Variants in TRIM33 observed in about 807,000 individuals in gnomAD.
TRIM33 encodes E3 ubiquitin-protein ligase TRIM33.
TRIM33 carries 20 observed loss-of-function variants against 125.4 expected under a neutral mutation model. The ratio of observed to expected loss-of-function variants is 0.16; its 90% CI spans 0.11 to 0.23. The LOEUF is 0.23. TRIM33 is among the 10% of genes least tolerant of loss of function. The probability of loss-of-function intolerance (pLI) is 1.00; values close to 1 mark genes in which losing one functional copy is unlikely to be tolerated. For synonymous variants in TRIM33, 564 were observed against 513.9 expected (o/e 1.10, Z -1.32); for missense variants, 920 against 1,411.4 (o/e 0.65, Z 5.58).
At chr1:114,466,362 AG>A (rs1276855101) in intron 1 of TRIM33, among the ~76,000 whole-genome samples, 2 of 152,188 alleles carry the variant, frequency 1.3e-5, no homozygotes, top group Non-Finnish European at 2.9e-5. Context: ...TGTGCAAGAA[AG>A]GGTTTATTTG....
intron 4 of TRIM33, among the ~76,000 whole-genome samples, chr1:114,440,344 T>G (rs1185967421): frequency 6.6e-6 from 1 of 150,828 alleles, no homozygotes; most frequent in Non-Finnish European, 1.5e-5. Context: ...ATCTTAATTT[T>G]AGACCAAAAA....
chr1:114,393,258 T>C lies in TRIM33; in HGVS notation c.*4390A>G, dbSNP rs1651374192. On this transcript the variant is annotated 3_prime_UTR_variant, in exon 20 of 20. Transcript: ENST00000358465. ...AGGCTTTCAAATTGCACAAATCTTTTTTTATAGGCTTATGTATATGTTTCA... is the reference window on the plus strand; with the variant it reads ...AGGCTTTCAAATTGCACAAATCTTTCTTTATAGGCTTATGTATATGTTTCA... The C allele has an allele frequency of 4.8e-6, 1 of 206,298 alleles. No individual in the cohort carries two copies. The highest frequency in any genetic ancestry group is 2.3e-5 in the African/African-American group (1 of 43,826). The allele number at this position is 206,298 out of a possible 1,614,324, so 12.8% of individuals were successfully genotyped here.
rs369526369 is a variant in TRIM33, at chr1:114,421,641, T to G, written c.1861-5A>C. The stretch of plus-strand genomic sequence containing the variant: ...AGCATGCCCTGGGTTTGAGTGCTAA[T>G]AAGAAAGAAGACATTATCATTACTT... On this transcript the variant is annotated splice_region_variant and splice_polypyrimidine_tract_variant and intron_variant, in intron 10 of 19. Coordinates refer to ENST00000358465, the MANE Select transcript of TRIM33 (RefSeq NM_015906.4). The G allele has an allele frequency of 1.9e-6, 3 of 1,613,852 alleles. No homozygotes were observed. In the South Asian group the frequency reaches 3.3e-5, roughly 18 times the overall value.
At chr1:114,438,723 T>C (rs1342359585) in intron 4 of TRIM33, among the ~76,000 whole-genome samples, 2 of 152,220 alleles carry the variant, frequency 1.3e-5, no homozygotes, top group Non-Finnish European at 1.5e-5. Context: ...CATATATACA[T>C]GCACAGGACT....
chr1:114,499,984 T>C (rs1447396090), intron 1 of TRIM33, among the ~76,000 whole-genome samples: 1 of 152,052 alleles, frequency 6.6e-6, no homozygotes, highest in Non-Finnish European at 1.5e-5. Context: ...CTGGCCAACA[T>C]GGTGAAATCC....
chr1:114,464,579 G>C (rs1303193862), intron 1 of TRIM33, among the ~76,000 whole-genome samples, 191 bp from the exon 2 acceptor site: 1 of 152,122 alleles, frequency 6.6e-6, no homozygotes, highest in Non-Finnish European at 1.5e-5. Context: ...GAAAAAACAA[G>C]CATTATGATG....
intron 1 of TRIM33, among the ~76,000 whole-genome samples, chr1:114,477,358 A>C (rs1651041055): frequency 6.6e-6 from 1 of 152,070 alleles, no homozygotes; most frequent in African/African-American, 2.4e-5. Context: ...AAAAAAAAAA[A>C]ACAAAAACAC....
In TRIM33 at chr1:114,397,810, T is replaced by C; in HGVS notation, c.3222A>G (p.Glu1074=). Residue 1074 remains glutamate (E), a synonymous_variant, in exon 20 of 20, where the codon GAA becomes GAG. Coordinates refer to ENST00000358465, the MANE Select transcript of TRIM33 (RefSeq NM_015906.4). ...CTGAGTAGATCTCTGTGAGTTTATC[T>C]TCAAAGTACAATGCAACTGCTTTCC... ...QAGKAVALYF[E]DKLTEIYSDR... 6.2e-7 allele frequency: 1 copy of C among 1,611,826 alleles called. No individual in the cohort carries two copies. The highest frequency in any genetic ancestry group is 8.5e-7 in the Non-Finnish European group (1 of 1,179,168).
intron 1 of TRIM33, among the ~76,000 whole-genome samples, chr1:114,475,148 AAG>A (rs1279635170): frequency 2.0e-5 from 3 of 152,174 alleles, no homozygotes; most frequent in Non-Finnish European, 4.4e-5. Flanking sequence ...CACAAAACAA[AAG>A]AGAGGCTCAC....
At chr1:114,403,516 G>A (rs542854550) in intron 15 of TRIM33, among the ~76,000 whole-genome samples, 4 of 152,078 alleles carry the variant, frequency 2.6e-5, no homozygotes, top group East Asian at 3.9e-4. Context: ...GATTACAGGC[G>A]TGCACCATCA....
chr1:114,454,030 G>C (rs1315917387), intron 4 of TRIM33, among the ~76,000 whole-genome samples: 1 of 152,188 alleles, frequency 6.6e-6, no homozygotes, highest in Non-Finnish European at 1.5e-5. Context: ...ACAGCTTGCA[G>C]TGAGTTCTGT....
intron 1 of TRIM33, among the ~76,000 whole-genome samples, chr1:114,469,925 C>T (rs532540216): frequency 1.9e-4 from 29 of 152,188 alleles, no homozygotes; most frequent in African/African-American, 6.7e-4. Context: ...TGGCTTAAAT[C>T]CTATAAAATA....
intron 4 of TRIM33, among the ~76,000 whole-genome samples, chr1:114,454,109 G>A (rs2101326128): frequency 6.6e-6 from 1 of 152,336 alleles, no homozygotes; most frequent in South Asian, 2.1e-4. Flanking sequence ...GGTGTCAGAA[G>A]TGAAAGGAGT....
At chr1:114,443,398 A>G (rs1648782395) in intron 4 of TRIM33, among the ~76,000 whole-genome samples, 1 of 151,910 alleles carries the variant, frequency 6.6e-6, no homozygotes, top group Non-Finnish European at 1.5e-5. Context: ...TGAATGAATG[A>G]ATGAATGAAT....
chr1:114,408,574 G>T, intron 13 of TRIM33, 103 bp downstream of exon 13: 1 of 697,216 alleles, frequency 1.4e-6, no homozygotes, highest in Non-Finnish European at 2.5e-6. Flanking sequence ...TGTTAAAGCT[G>T]AGTGTTAAGT....
chr1:114,475,075 A>G (rs1201553053), intron 1 of TRIM33, among the ~76,000 whole-genome samples: 1 of 152,172 alleles, frequency 6.6e-6, no homozygotes, highest in Non-Finnish European at 1.5e-5. Context: ...ATGAAGAAAA[A>G]TCTGGCAAAA....
intron 4 of TRIM33, among the ~76,000 whole-genome samples, chr1:114,446,056 A>G (rs1648953691): frequency 6.6e-6 from 1 of 152,112 alleles, no homozygotes; most frequent in African/African-American, 2.4e-5. Context: ...GGGTTTCACC[A>G]TGTTGCCCAG....
At position 114,477,889 on chromosome 1, in the gene TRIM33, C is replaced by G. The variant is rs1452846091; in HGVS notation, c.527-13501G>C. ...TGCAGTTCTAGAAAACACAGGATAC[C>G]TGAGATGTCACTTATTTTTTAAGAC... is the stretch of plus-strand genomic sequence containing the variant. On this transcript the variant is annotated intron_variant, in intron 1 of 19. Transcript: ENST00000358465. Among the ~76,000 whole-genome samples, 3 of 152,052 alleles carry G rather than the reference C, an allele frequency of 2.0e-5. No homozygotes were observed. In the East Asian group the frequency reaches 5.8e-4, roughly 29 times the overall value.
intron 4 of TRIM33, among the ~76,000 whole-genome samples, chr1:114,441,766 T>C (rs920184199): frequency 1.4e-4 from 22 of 152,216 alleles, no homozygotes; most frequent in Non-Finnish European, 2.5e-4. Context: ...AACTAACGAC[T>C]CTGAATGTGT....
Sources: gnomAD v4.1 joint callset for allele counts (sites outside exome capture counted in the v4.1 genomes callset) on GRCh38, gnomAD v4.1.1 for gene constraint, MANE v1.5 for transcripts, NCBI Gene and HGNC (gene_info 2026-07-23, HGNC 2026-07-21) for gene names.